Variants in FYB1 observed in about 807,000 individuals in gnomAD.
FYB1 encodes the protein FYN binding protein 1.
FYB1 carries 41 observed loss-of-function variants against 94.1 expected under a neutral mutation model. That is an observed-to-expected ratio of 0.44 (90% CI 0.34 to 0.57). The LOEUF (loss-of-function observed/expected upper bound fraction) is 0.57, where lower values mean the gene tolerates loss of function less well. Ranked by LOEUF, FYB1 falls within the 20% of genes least tolerant of loss-of-function variation. The pLI is 0.02. For synonymous variants in FYB1, 367 were observed against 353.2 expected (o/e 1.04, Z -0.44); for missense variants, 1,050 against 976.8 (o/e 1.07, Z -1.00).
intron 1 of FYB1, among the ~76,000 whole-genome samples, chr5:39,227,528 A>G (rs955523701): frequency 1.3e-5 from 2 of 152,368 alleles, no homozygotes; most frequent in East Asian, 3.9e-4. Context: ...TCTAGATGAA[A>G]GGGATATAGA....
chr5:39,229,842 A>G (rs895517981), intron 1 of FYB1, among the ~76,000 whole-genome samples: 1 of 152,154 alleles, frequency 6.6e-6, no homozygotes, highest in African/African-American at 2.4e-5. Context: ...AGTGATTCTA[A>G]AAGCTGGCTT....
intron 2 of FYB1, among the ~76,000 whole-genome samples, chr5:39,160,084 G>A (rs1413678741): frequency 6.6e-6 from 1 of 152,160 alleles, no homozygotes; most frequent in East Asian, 1.9e-4. Flanking sequence ...AGTAAAGAAT[G>A]AAAGGCTTAG....
chr5:39,251,584 G>T (rs186228353), intron 1 of FYB1, among the ~76,000 whole-genome samples: 2 of 152,190 alleles, frequency 1.3e-5, no homozygotes, highest in Admixed American at 6.5e-5. Flanking sequence ...GAAAAGTAAG[G>T]TGCACCCTAT....
rs1200924657 is a variant in FYB1, at chr5:39,228,780, C to A, written c.-27-25793G>T. Among the ~76,000 whole-genome samples, 5 of 152,090 alleles carry A rather than the reference C, an allele frequency of 3.3e-5. 1 individual carries two copies. The highest frequency in any genetic ancestry group is 1.5e-5 in the Non-Finnish European group (1 of 68,012). Reference sequence around the variant, plus strand: ...ACTTCCCTTCCTTTTTATTTTCTTACTCTGAGAGCTAATAAAGCAAGATCT... The same window carrying A: ...ACTTCCCTTCCTTTTTATTTTCTTAATCTGAGAGCTAATAAAGCAAGATCT... On this transcript the variant is annotated intron_variant, in intron 1 of 1. Transcript: ENST00000510188.
chr5:39,265,678 A>G (rs1252853199), intron 1 of FYB1, among the ~76,000 whole-genome samples: 4 of 152,046 alleles, frequency 2.6e-5, no homozygotes, highest in African/African-American at 7.2e-5. Context: ...AAATAAATGA[A>G]TAAAAGAAAT....
chr5:39,114,407 G>GA (rs1184492575), intron 16 of FYB1, among the ~76,000 whole-genome samples: 1 of 152,206 alleles, frequency 6.6e-6, no homozygotes, highest in Non-Finnish European at 1.5e-5. Context: ...AAAAGTGGCT[G>GA]ATGTCCCACT....
At chr5:39,126,695 C>CA (rs1272438775) in intron 11 of FYB1, among the ~76,000 whole-genome samples, 2,345 of 28,164 alleles carry the variant, frequency 0.083, 461 homozygotes, top group African/African-American at 0.17. Flanking sequence ...GACCTGGTCT[C>CA]AAAAAAAAAA....
At chr5:39,207,305 T>G (rs1748948242) in intron 1 of FYB1, among the ~76,000 whole-genome samples, 1 of 152,220 alleles carries the variant, frequency 6.6e-6, no homozygotes, top group Admixed American at 6.5e-5. Context: ...ACAGATTTAA[T>G]AGTAGAAAAT....
intron 1 of FYB1, among the ~76,000 whole-genome samples, chr5:39,258,674 G>T (rs892548956): frequency 1.3e-5 from 2 of 152,106 alleles, no homozygotes; most frequent in African/African-American, 4.8e-5. Context: ...GGAAATGCAG[G>T]AAAAGAGATG....
Position 39,153,505 on chromosome 5 carries a change from G to T in FYB1, c.1235C>A (p.Ser412Ter), listed in dbSNP as rs1486832499. ...SQPPLPASHP[S>*]QPPVPSLPPR... is the part of the protein sequence containing the mutation. ...AGGTAGGCTTGGGACTGGTGGTTGT[G>T]ATGGGTGAGATGCTGGCAATGGTGG... The change falls in exon 3 of 19, where the codon TCA becomes TAA. Residue 412 changes from serine to a stop codon, truncating the protein, a stop_gained. Coordinates refer to ENST00000512982, the MANE Select transcript of FYB1 (RefSeq NM_001465.6). LOFTEE classifies it high-confidence loss of function. 3.1e-6 allele frequency: 5 copies of T among 1,613,986 alleles called. No homozygotes were observed. Among genetic ancestry groups the T allele is most frequent in the African/African-American group, 1.3e-5 (1 of 75,046 alleles).
At chr5:39,233,277 T>A (rs529958806) in intron 1 of FYB1, among the ~76,000 whole-genome samples, 2 of 152,236 alleles carry the variant, frequency 1.3e-5, no homozygotes, top group East Asian at 3.9e-4. Flanking sequence ...CAAAGAGCTG[T>A]GGGTAATTAG....
chr5:39,231,068 A>G (rs1285936952), intron 1 of FYB1, among the ~76,000 whole-genome samples: 1 of 150,500 alleles, frequency 6.6e-6, no homozygotes, highest in Admixed American at 6.6e-5. Context: ...AAAGATAATG[A>G]GCAGGAAGAG....
rs1752569504 is a variant in FYB1, at chr5:39,269,318, G to T, written c.-28+5085C>A. The stretch of plus-strand genomic sequence containing the variant: ...CCTGCCTCGGCCTCCCAAAGTTCTG[G>T]GATTACAGGCGTGAGCCACCACATC... On this transcript the variant is annotated intron_variant, in intron 1 of 1. Coordinates refer to the FYB1 transcript ENST00000510188. 2.0e-5 allele frequency among the ~76,000 whole-genome samples: 3 copies of T among 152,274 alleles called. No homozygotes were observed. The South Asian group carries it at 6.2e-4, about 32-fold the overall frequency.
chr5:39,128,742 CATCGTATTAAG>C (rs1252145428), intron 10 of FYB1, among the ~76,000 whole-genome samples: 1 of 152,084 alleles, frequency 6.6e-6, no homozygotes, highest in East Asian at 1.9e-4. Flanking sequence ...GTGTTCTTTC[CATCGTATTAAG>C]ATCTCTCTCA....
intron 3 of FYB1, among the ~76,000 whole-genome samples, chr5:39,148,063 G>A (rs1463206580): frequency 5.4e-5 from 8 of 146,920 alleles, no homozygotes; most frequent in Non-Finnish European, 9.0e-5. Context: ...TAAACCTTAG[G>A]GAAGCCATTG....
intron 1 of FYB1, among the ~76,000 whole-genome samples, chr5:39,228,703 G>T (rs553949482): frequency 6.6e-6 from 1 of 152,202 alleles, no homozygotes; most frequent in Non-Finnish European, 1.5e-5. Flanking sequence ...AAAGAAAGAG[G>T]TTAGCAAAAG....
At chr5:39,246,357 G>A (rs761054096) in intron 1 of FYB1, among the ~76,000 whole-genome samples, 4 of 152,154 alleles carry the variant, frequency 2.6e-5, no homozygotes, top group Non-Finnish European at 4.4e-5. Flanking sequence ...AACATGATGG[G>A]CATATATTAT....
intron 1 of FYB1, among the ~76,000 whole-genome samples, chr5:39,208,437 A>AT (rs1160187184): frequency 3.3e-5 from 5 of 152,158 alleles, no homozygotes; most frequent in African/African-American, 9.7e-5. Context: ...ATCTTTGATA[A>AT]TTTTTTACCA....
chr5:39,169,511 A>C (rs1470503097), intron 2 of FYB1: 3 of 594,368 alleles, frequency 5.0e-6, no homozygotes, highest in African/African-American at 3.7e-5. Context: ...TACTACTTCC[A>C]GAGGCAGAGT....
Sources: allele counts gnomAD v4.1 joint callset (sites outside exome capture counted in the v4.1 genomes callset), GRCh38; gene constraint gnomAD v4.1.1; transcripts MANE v1.5; gene names NCBI Gene and HGNC (gene_info 2026-07-23, HGNC 2026-07-21).